PLEC: variants seen among roughly 807,000 people sequenced by gnomAD.
PLEC encodes plectin, also known as hemidesmosomal protein 1.
In PLEC, 216 loss-of-function variants were observed where a neutral mutation model predicts 392.8. The observed-to-expected ratio is 0.55, with a 90% CI of 0.49 to 0.62. The LOEUF is 0.62. Among genes scored for constraint, PLEC ranks in the 20% least tolerant of loss-of-function variants. The pLI is 0.00. For missense variants in PLEC, 6,863 were observed against 6,563.4 expected, an observed-to-expected ratio of 1.05 and a Z score of -1.58; for synonymous variants, 3,621 against 2,980.6, an observed-to-expected ratio of 1.21 and a Z score of -7.00.
upstream of PLEC, among the ~76,000 whole-genome samples, chr8:143,941,335 C>T (rs1014536477): frequency 1.4e-4 from 22 of 152,170 alleles, no homozygotes; most frequent in Non-Finnish European, 2.9e-4. Flanking sequence ...CCAGGACCCA[C>T]GTGGAGCCCA....
chr8:143,952,181 A>AACACACACACAC (rs66992958), upstream of PLEC, among the ~76,000 whole-genome samples: 163 of 140,300 alleles, frequency 1.2e-3, 1 homozygote, highest in East Asian at 2.6e-3. Context: ...GCAGGCTCCA[A>AACACACACACAC]ACACACACAC....
At position 143,932,963 on chromosome 8, in the gene PLEC, G is replaced by C. The variant is rs1554718496; in HGVS notation, c.1567C>G (p.Arg523Gly). 6.2e-7 allele frequency: 1 copy of C among 1,612,356 alleles called. No homozygotes were observed. Among genetic ancestry groups the C allele is most frequent in the Non-Finnish European group, 8.5e-7 (1 of 1,179,826 alleles). ...RRPELEDSTL[R>G]YLQDLLAWVE... ...CAGGCCAGCAGGTCCTGCAGGTAGC[G>C]CAGAGTGGAGTCCTCCAGCTCGGGG... Residue 523 changes from arginine (R) to glycine (G), a missense_variant, in exon 14 of 32, where the codon CGC becomes GGC. By Grantham distance (125) the Arg-to-Gly change is moderately radical. Transcript: ENST00000345136.
chr8:143,929,935 C>A lies in PLEC; in HGVS notation c.2739+1G>T, dbSNP rs868927504. On this transcript the variant is annotated splice_donor_variant, in intron 22 of 31. Transcript: ENST00000345136. LOFTEE classifies it high-confidence loss of function. Reference sequence around the variant, plus strand: ...AGCCCCCGGCTCGGGGGCAGGCGTACCGTGGCCAGGGACCAGGAGCGGATG... The same window carrying A: ...AGCCCCCGGCTCGGGGGCAGGCGTAACGTGGCCAGGGACCAGGAGCGGATG... 6.2e-7 allele frequency: 1 copy of A among 1,609,690 alleles called. No homozygotes were observed.
Position 143,918,670 on chromosome 8 carries a change from G to C in PLEC, c.11151C>G (p.Ala3717=). The part of the protein sequence containing the change: ...YQALKKGLLS[A]EVARLLLEAQ... The stretch of plus-strand genomic sequence containing the variant: ...CCTCCAGCAGCAGGCGGGCCACCTC[G>C]GCACTCAGCAGCCCTTTCTTGAGAG... Residue 3717 remains alanine, a synonymous_variant, in exon 32 of 32, where the codon GCC becomes GCG. Coordinates refer to ENST00000345136, the MANE Select transcript of PLEC (RefSeq NM_201384.3). 6.2e-7 allele frequency: 1 copy of C among 1,612,814 alleles called. No homozygotes were observed. The highest frequency in any genetic ancestry group is 2.2e-5 in the East Asian group (1 of 44,856).
rs148517269 is a variant in PLEC at position 143,971,012 on chromosome 8, G to T, written c.70+2391C>A. 1.3e-3 allele frequency among the ~76,000 whole-genome samples: 200 copies of T among 152,336 alleles called. 1 individual carries two copies. Among genetic ancestry groups the T allele is most frequent in the African/African-American group, 4.5e-3 (189 of 41,568 alleles). Reference sequence around the variant, plus strand: ...GGATGGGGGACAGGGAGAATGGGGGGGCTGAGGGGCTCAGGCAGACAGGAA... The same window carrying T: ...GGATGGGGGACAGGGAGAATGGGGGTGCTGAGGGGCTCAGGCAGACAGGAA... On this transcript the variant is annotated intron_variant, in intron 1 of 31. Transcript: ENST00000356346.
In PLEC at chr8:143,932,039, G is replaced by A. The variant is rs1554716145; in HGVS notation, c.2083-7C>T. ...GCAGGGCCGCCTGGAAGGACTGCGG[G>A]ACAGCAGGTCCCGGTCAGGCCCCGC... On this transcript the variant is annotated splice_polypyrimidine_tract_variant and splice_region_variant and intron_variant, in intron 17 of 31. Transcript: ENST00000345136. 5 of 1,589,624 alleles carry A rather than the reference G, an allele frequency of 3.1e-6. No homozygotes were observed. The highest frequency in any genetic ancestry group is 4.3e-6 in the Non-Finnish European group (5 of 1,168,282).
In PLEC at chr8:143,930,379, C is replaced by A. The variant is rs782608745; in HGVS notation, c.2457+5G>T. ...CCCCCCAGTGGACCCCCGGCCTGCG[C>A]TCACCTCCACCTGCTTATAGTCGCA... On this transcript the variant is annotated splice_donor_5th_base_variant and intron_variant, in intron 20 of 31. Transcript: ENST00000345136. 1 of 1,571,372 alleles carries A rather than the reference C, an allele frequency of 6.4e-7. No homozygotes were observed. Among genetic ancestry groups the A allele is most frequent in the Non-Finnish European group, 8.6e-7 (1 of 1,162,724 alleles).
In PLEC at chr8:143,930,468, G is replaced by A. The variant is rs782527676; in HGVS notation, c.2373C>T (p.Val791=). 1.0e-5 allele frequency: 16 copies of A among 1,589,308 alleles called. No individual in the cohort carries two copies. The highest frequency in any genetic ancestry group is 6.9e-5 in the East Asian group (3 of 43,360). ...LSGLAKRAKA[V]VQLKPRHPAH... Reference sequence around the variant, plus strand: ...CTGGGTGGCGGGGCTTCAGCTGCACGACGGCCTTGGCCCGCTTGGCCAGGC... The same window carrying A: ...CTGGGTGGCGGGGCTTCAGCTGCACAACGGCCTTGGCCCGCTTGGCCAGGC... The change falls in exon 20 of 32, where the codon GTC becomes GTT. Residue 791 remains valine, a synonymous_variant. Transcript: ENST00000345136.
At chr8:143,958,557 C>T (rs1052322663), upstream of PLEC, 23 of 398,546 alleles carry the variant, frequency 5.8e-5, no homozygotes, top group Non-Finnish European at 1.1e-4. The surrounding 1 kb of genome is among the most constrained non-coding windows in gnomAD (Gnocchi z 4.9). Flanking sequence ...CACCCTTTCA[C>T]CTCAAAGACA....
chr8:143,938,598 C>A, intron 2 of PLEC, 33 bp downstream of exon 2: 1 of 1,608,186 alleles, frequency 6.2e-7, no homozygotes. Context: ...ACAGCCTCAG[C>A]CCCTGTGACA....
Position 143,922,737 on chromosome 8 carries a change from G to A in PLEC, c.7192C>T (p.Arg2398Cys), listed in dbSNP as rs200880699. ...AAGCGCTGGGCGTCCTCCTCAGCGC[G>A]GGCCTGGGCTCGGCTCATCTCGGCC... Reference protein sequence around the residue: ...RVAEMSRAQARAEEDAQRFRK... With the variant: ...RVAEMSRAQACAEEDAQRFRK... Residue 2398 changes from arginine to cysteine, a missense_variant, in exon 31 of 32, where the codon CGC (arginine) becomes TGC (cysteine). Physicochemically the swap from Arg to Cys is radical, Grantham distance 180. Coordinates refer to ENST00000345136, the MANE Select transcript of PLEC (RefSeq NM_201384.3). The A allele has an allele frequency of 1.1e-4, 177 of 1,610,920 alleles. No individual in the cohort carries two copies. In the African/African-American group the frequency reaches 1.6e-3, roughly 14 times the overall value.
In PLEC at chr8:143,946,704, A is replaced by G. The variant is rs1312018051; in HGVS notation, c.523+3480T>C. Among the ~76,000 whole-genome samples the G allele has an allele frequency of 1.7e-4, 6 of 34,578 alleles. No homozygotes were observed. The Admixed American group carries it at 1.8e-3, about 10-fold the overall frequency. The allele number at this position is 34,578 out of a possible 152,430, so 22.7% of individuals were successfully genotyped here. Reference sequence around the variant, plus strand: ...GCAGACCCCCCGCCCAGCAGACCCCACCCTGTAGCCTCCCCTTCCCGCTGC... The same window carrying G: ...GCAGACCCCCCGCCCAGCAGACCCCGCCCTGTAGCCTCCCCTTCCCGCTGC... On this transcript the variant is annotated intron_variant, in intron 1 of 31. Coordinates refer to the PLEC transcript ENST00000322810.
rs781916564 is a variant in PLEC, at chr8:143,932,250, A to G, written c.1978-16T>C. The G allele has an allele frequency of 2.5e-6, 4 of 1,611,486 alleles. No individual in the cohort carries two copies. The highest frequency in any genetic ancestry group is 3.4e-6 in the Non-Finnish European group (4 of 1,179,638). Reference sequence around the variant, plus strand: ...GCATCAGCGCCTGGCACCAGAGCAAAGGGTCTCAGGGACGGCCGGCCACAC... The same window carrying G: ...GCATCAGCGCCTGGCACCAGAGCAAGGGGTCTCAGGGACGGCCGGCCACAC... On this transcript the variant is annotated splice_polypyrimidine_tract_variant and intron_variant, in intron 16 of 31. Transcript: ENST00000345136.
intron 1 of PLEC, among the ~76,000 whole-genome samples, chr8:143,971,333 A>G (rs1833418880): frequency 6.6e-6 from 1 of 152,050 alleles, no homozygotes; most frequent in Non-Finnish European, 1.5e-5. Flanking sequence ...TGCCCTCCTC[A>G]GAACCACCAA....
chr8:143,926,751 C>G, intron 30 of PLEC, 33 bp downstream of exon 30: 2 of 1,554,234 alleles, frequency 1.3e-6, no homozygotes, highest in East Asian at 2.2e-5. Context: ...TGAGATGGAA[C>G]CCTCTGCCCA....
At chr8:143,975,240 C>T (rs782389569), upstream of PLEC, 1 of 1,607,134 alleles carries the variant, frequency 6.2e-7, no homozygotes, top group Non-Finnish European at 8.5e-7. The surrounding 1 kb of genome is among the most constrained non-coding windows in gnomAD (Gnocchi z 9.9). Flanking sequence ...CCAGCGCCAC[C>T]CCCGCTGCGC....
chr8:143,918,459 T>C lies in PLEC; in HGVS notation c.11362A>G (p.Lys3788Glu), dbSNP rs1821334841. The part of the protein sequence containing the change: ...QTISLFQAMK[K>E]ELIPTEEALR... ...GCCTCCTCAGTAGGGATCAGCTCCT[T>C]CTTCATGGCCTGGAAGAGCGAGATG... is the stretch of plus-strand genomic sequence containing the variant. Residue 3788 changes from lysine to glutamate, a missense_variant, in exon 32 of 32, where the codon AAG becomes GAG. Coordinates refer to ENST00000345136, the MANE Select transcript of PLEC (RefSeq NM_201384.3). The C allele has an allele frequency of 6.3e-7, 1 of 1,590,922 alleles. No individual in the cohort carries two copies. Among genetic ancestry groups the C allele is most frequent in the Non-Finnish European group, 8.5e-7 (1 of 1,170,500 alleles).
intron 12 of PLEC, among the ~76,000 whole-genome samples, chr8:143,933,691 G>A (rs969161789): frequency 1.3e-5 from 2 of 152,176 alleles, no homozygotes; most frequent in African/African-American, 4.8e-5. Flanking sequence ...AGTGGGTTGG[G>A]CCCTCCCCCA....
upstream of PLEC, among the ~76,000 whole-genome samples, chr8:143,974,019 T>G (rs1833569778): frequency 6.6e-6 from 1 of 152,150 alleles, no homozygotes; most frequent in African/African-American, 2.4e-5. The surrounding 1 kb of genome is among the most constrained non-coding windows in gnomAD (Gnocchi z 5.9). Context: ...TGGTGATAAT[T>G]AAAACAACTC....
Sources: allele counts gnomAD v4.1 joint callset (sites outside exome capture counted in the v4.1 genomes callset), GRCh38; gene constraint gnomAD v4.1.1; non-coding constraint Gnocchi (gnomAD v3.1); transcripts MANE v1.5; gene names NCBI Gene and HGNC (gene_info 2026-07-23, HGNC 2026-07-21).